Variants in ZNF804A observed in about 807,000 individuals in gnomAD.
ZNF804A encodes the protein zinc finger protein 804A.
Under a neutral mutation model 16.5 loss-of-function variants are expected in ZNF804A, and 2 were observed. That is an observed-to-expected ratio of 0.12 (90% CI 0.05 to 0.38). The LOEUF (loss-of-function observed/expected upper bound fraction) is 0.38. Among genes scored for constraint, ZNF804A ranks in the 10% least tolerant of loss-of-function variants. The pLI is 0.99. For missense variants in ZNF804A, 1,473 were observed against 1,390.7 expected, an observed-to-expected ratio of 1.06 and a Z score of -0.94; for synonymous variants, 534 against 489.6, an observed-to-expected ratio of 1.09 and a Z score of -1.20.
intron 1 of ZNF804A, among the ~76,000 whole-genome samples, chr2:184,646,566 C>A (rs1209710110): frequency 6.6e-6 from 1 of 152,182 alleles, no homozygotes; most frequent in Non-Finnish European, 1.5e-5. Context: ...CCAAGCAGAT[C>A]TCCAGGAATT....
intron 1 of ZNF804A, among the ~76,000 whole-genome samples, chr2:184,609,715 C>T (rs572575597): frequency 1.6e-4 from 24 of 152,300 alleles, no homozygotes; most frequent in Non-Finnish European, 2.8e-4. Context: ...GGGAAGTAAT[C>T]GCATGCATGA....
At position 184,631,732 on chromosome 2, in the gene ZNF804A, T is replaced by C. The variant is rs377712889; in HGVS notation, c.111+32662T>C. 3.3e-5 allele frequency among the ~76,000 whole-genome samples: 5 copies of C among 152,338 alleles called. No individual in the cohort carries two copies. In the South Asian group the frequency reaches 6.2e-4, roughly 19 times the overall value. On this transcript the variant is annotated intron_variant, in intron 1 of 3. Coordinates refer to ENST00000302277, the MANE Select transcript of ZNF804A (RefSeq NM_194250.2). ...GTTATGTTGATGTCTAATTTTAACA[T>C]GCAGATTTCTCTTTTTCCCTTCTAA...
chr2:184,793,140 T>C (rs1294567845), intron 1 of ZNF804A, among the ~76,000 whole-genome samples: 1 of 152,126 alleles, frequency 6.6e-6, no homozygotes, highest in Non-Finnish European at 1.5e-5. Context: ...TTCCATGGTG[T>C]ATATGTACCA....
intron 1 of ZNF804A, among the ~76,000 whole-genome samples, chr2:184,792,045 A>G (rs1694552435): frequency 6.6e-6 from 1 of 152,284 alleles, no homozygotes; most frequent in East Asian, 1.9e-4. Context: ...GTCTAAATGT[A>G]CAACAGTTTA....
chr2:184,707,466 G>A (rs144060529), intron 1 of ZNF804A, among the ~76,000 whole-genome samples: 2 of 152,026 alleles, frequency 1.3e-5, no homozygotes, highest in South Asian at 4.1e-4. Context: ...GTAATATTCA[G>A]TGTGTATTAT....
At chr2:184,846,516 T>A (rs1255777951) in intron 1 of ZNF804A, among the ~76,000 whole-genome samples, 3 of 152,116 alleles carry the variant, frequency 2.0e-5, no homozygotes, top group Admixed American at 2.0e-4. Context: ...ATGGATTTTA[T>A]ATATATGCAC....
chr2:184,646,501 C>T (rs1444486896), intron 1 of ZNF804A, among the ~76,000 whole-genome samples: 1 of 152,176 alleles, frequency 6.6e-6, no homozygotes, highest in Non-Finnish European at 1.5e-5. Context: ...ACCTGACCTG[C>T]CCCACCCTTC....
Position 184,933,591 on chromosome 2 carries a change from T to G in ZNF804A, c.256-12T>G. ...AAATACAATTAATCATTTTCCAACT[T>G]TTTTTTAACAGAGGCTCAAGGAACT... is the stretch of plus-strand genomic sequence containing the variant. On this transcript the variant is annotated splice_polypyrimidine_tract_variant and intron_variant, in intron 2 of 3. Coordinates refer to ENST00000302277, the MANE Select transcript of ZNF804A (RefSeq NM_194250.2). The G allele has an allele frequency of 1.3e-6, 2 of 1,574,262 alleles. No individual in the cohort carries two copies. The highest frequency in any genetic ancestry group is 1.7e-6 in the Non-Finnish European group (2 of 1,168,722).
chr2:184,905,732 C>A (rs1295428432), intron 2 of ZNF804A, among the ~76,000 whole-genome samples: 1 of 152,122 alleles, frequency 6.6e-6, no homozygotes, highest in South Asian at 2.1e-4. Flanking sequence ...ATGTTTCCAT[C>A]TAGGGGGTGA....
chr2:184,653,918 C>T (rs574236844), intron 1 of ZNF804A, among the ~76,000 whole-genome samples: 27 of 152,302 alleles, frequency 1.8e-4, no homozygotes, highest in Middle Eastern at 3.4e-3. Flanking sequence ...GTGCTGGCTG[C>T]GACCAATGAT....
At chr2:184,640,863 C>T (rs566952740) in intron 1 of ZNF804A, among the ~76,000 whole-genome samples, 1 of 152,272 alleles carries the variant, frequency 6.6e-6, no homozygotes, top group East Asian at 1.9e-4. Context: ...CAATTTACAT[C>T]GTACTTTAAG....
At chr2:184,705,549 G>T (rs1358847416) in intron 1 of ZNF804A, among the ~76,000 whole-genome samples, 1 of 152,052 alleles carries the variant, frequency 6.6e-6, no homozygotes, top group Admixed American at 6.6e-5. Flanking sequence ...TATAACCTCA[G>T]TCATTTTTGT....
intron 2 of ZNF804A, among the ~76,000 whole-genome samples, chr2:184,887,141 C>G (rs2105820473): frequency 6.6e-6 from 1 of 152,332 alleles, no homozygotes. Context: ...GCCACATACT[C>G]TAAATCATCT....
At chr2:184,656,647 T>G (rs1252224844) in intron 1 of ZNF804A, among the ~76,000 whole-genome samples, 2 of 152,082 alleles carry the variant, frequency 1.3e-5, no homozygotes, top group Non-Finnish European at 2.9e-5. Flanking sequence ...GGGGCATTTT[T>G]CTTTATCTTT....
chr2:184,730,527 A>G (rs1693497267), intron 1 of ZNF804A, among the ~76,000 whole-genome samples: 1 of 152,142 alleles, frequency 6.6e-6, no homozygotes, highest in Admixed American at 6.6e-5. Context: ...TTTGTGCTGT[A>G]TTCAACCTTC....
intron 1 of ZNF804A, among the ~76,000 whole-genome samples, chr2:184,798,341 CT>C (rs1180332188): frequency 6.6e-6 from 1 of 151,774 alleles, no homozygotes; most frequent in East Asian, 1.9e-4. Flanking sequence ...ATTTTCCAAA[CT>C]TTTAGATTTT....
At chr2:184,919,195 C>A (rs940757985) in intron 2 of ZNF804A, among the ~76,000 whole-genome samples, 1 of 152,308 alleles carries the variant, frequency 6.6e-6, no homozygotes, top group East Asian at 1.9e-4. Flanking sequence ...CAAATCCATA[C>A]CCAGAGTAAA....
intron 1 of ZNF804A, among the ~76,000 whole-genome samples, chr2:184,626,506 G>A (rs1691502126): frequency 6.6e-6 from 1 of 152,010 alleles, no homozygotes; most frequent in Non-Finnish European, 1.5e-5. Context: ...ATATAGATAT[G>A]TCCATTATAT....
In ZNF804A at chr2:184,605,914, C is replaced by T. The variant is rs116327135; in HGVS notation, c.111+6844C>T. ...AGTGGAGTAATAAATAATTAAAATT[C>T]AATCATGGTTGTCAAAGTAAACAAA... On this transcript the variant is annotated intron_variant, in intron 1 of 3. Transcript: ENST00000302277. 5.9e-3 allele frequency among the ~76,000 whole-genome samples: 903 copies of T among 152,184 alleles called. 6 individuals carry two copies. Among genetic ancestry groups the T allele is most frequent in the South Asian group, 0.019 (90 of 4,822 alleles).
Sources: allele counts gnomAD v4.1 joint callset (sites outside exome capture counted in the v4.1 genomes callset), GRCh38; gene constraint gnomAD v4.1.1; transcripts MANE v1.5; gene names NCBI Gene and HGNC (gene_info 2026-07-23, HGNC 2026-07-21).